Variants in SLCO5A1 observed in about 807,000 individuals in gnomAD.
SLCO5A1 encodes organic anion transporter polypeptide-related protein 4.
In SLCO5A1, 39 loss-of-function variants were observed where a neutral mutation model predicts 65.1. The observed-to-expected ratio is 0.60, with a 90% CI of 0.46 to 0.78. The LOEUF is 0.78. Ranked by LOEUF, SLCO5A1 falls within the 30% of genes least tolerant of loss-of-function variation. The pLI, the probability that SLCO5A1 is intolerant of heterozygous loss-of-function variation, is 0.00. For synonymous variants in SLCO5A1, 438 were observed against 415.7 expected (o/e 1.05, Z -0.65); for missense variants, 1,029 against 1,069.4 (o/e 0.96, Z 0.53).
Position 69,832,505 on chromosome 8 carries a change from C to T in SLCO5A1, c.169G>A (p.Ala57Thr), listed in dbSNP as rs764927340. 3 of 1,609,132 alleles carry T rather than the reference C, an allele frequency of 1.9e-6. No individual in the cohort carries two copies. The highest frequency in any genetic ancestry group is 1.3e-5 in the African/African-American group (1 of 74,760). ...RPSLSPTSGD[A>T]NPAFGCVDSS... Reference sequence around the variant, plus strand: ...TCCACACAGCCAAAGGCCGGGTTGGCGTCTCCACTAGTGGGACTGAGGCTT... The same window carrying T: ...TCCACACAGCCAAAGGCCGGGTTGGTGTCTCCACTAGTGGGACTGAGGCTT... Residue 57 changes from alanine (A) to threonine (T), a missense_variant, in exon 2 of 10, where the codon GCC (alanine) becomes ACC (threonine). Around this residue, in one of 3 missense-constraint regions of SLCO5A1, gnomAD observed 647 missense variants for 647.5 expected, o/e 1.00. Transcript: ENST00000260126. The surrounding 1 kb of genome is among the most constrained non-coding windows in gnomAD (Gnocchi z 4.5).
chr8:69,822,284 T>C (rs1354602683), intron 2 of SLCO5A1, among the ~76,000 whole-genome samples: 1 of 152,162 alleles, frequency 6.6e-6, no homozygotes, highest in Non-Finnish European at 1.5e-5. Flanking sequence ...CACAAGCCCC[T>C]CAAACTTCAA....
At chr8:69,681,861 C>T (rs1813790136) in intron 7 of SLCO5A1, among the ~76,000 whole-genome samples, 1 of 152,104 alleles carries the variant, frequency 6.6e-6, no homozygotes, top group Non-Finnish European at 1.5e-5. Flanking sequence ...TCAAATCCAT[C>T]ACAAGGGCCC....
At chr8:69,756,671 A>C (rs1427941252) in intron 3 of SLCO5A1, among the ~76,000 whole-genome samples, 1 of 152,264 alleles carries the variant, frequency 6.6e-6, no homozygotes, top group East Asian at 1.9e-4. Context: ...GCTTCCTAAA[A>C]GAAGTAGAAC....
At chr8:69,779,083 C>A (rs952266883) in intron 2 of SLCO5A1, among the ~76,000 whole-genome samples, 2 of 152,160 alleles carry the variant, frequency 1.3e-5, no homozygotes, top group African/African-American at 2.4e-5. Context: ...AGACATGGTA[C>A]AGCCCACAAA....
chr8:69,750,592 G>T (rs970172484), intron 4 of SLCO5A1, among the ~76,000 whole-genome samples: 4 of 152,026 alleles, frequency 2.6e-5, no homozygotes, highest in Non-Finnish European at 5.9e-5. Context: ...CATCTACACA[G>T]TCCCAGTTTT....
chr8:69,737,081 T>G (rs753623527), intron 5 of SLCO5A1, among the ~76,000 whole-genome samples: 2 of 152,216 alleles, frequency 1.3e-5, no homozygotes, highest in African/African-American at 4.8e-5. Flanking sequence ...TATAAAAACA[T>G]GTGCTATCCT....
At chr8:69,779,077 A>G (rs761196263) in intron 2 of SLCO5A1, among the ~76,000 whole-genome samples, 1 of 152,220 alleles carries the variant, frequency 6.6e-6, no homozygotes, top group Non-Finnish European at 1.5e-5. Context: ...TGCAACAGAC[A>G]TGGTACAGCC....
intron 5 of SLCO5A1, among the ~76,000 whole-genome samples, chr8:69,734,711 T>C (rs1057079760): frequency 1.3e-5 from 2 of 152,200 alleles, no homozygotes; most frequent in Non-Finnish European, 2.9e-5. Context: ...CAAATTGCAG[T>C]GAAGGTCAGG....
At chr8:69,804,763 C>G (rs1026491750) in intron 2 of SLCO5A1, among the ~76,000 whole-genome samples, 13 of 152,148 alleles carry the variant, frequency 8.5e-5, no homozygotes, top group Admixed American at 7.2e-4. Flanking sequence ...GCTACCCACT[C>G]CACCTTACAC....
At chr8:69,744,453 C>T (rs1305713243) in intron 4 of SLCO5A1, among the ~76,000 whole-genome samples, 1 of 152,196 alleles carries the variant, frequency 6.6e-6, no homozygotes, top group Non-Finnish European at 1.5e-5. Context: ...TTGGCATCTG[C>T]CCCTGTAGGA....
intron 7 of SLCO5A1, among the ~76,000 whole-genome samples, chr8:69,680,509 C>T (rs1813724894): frequency 6.6e-6 from 1 of 152,108 alleles, no homozygotes; most frequent in South Asian, 2.1e-4. Context: ...TGTATATTAT[C>T]ACATTTTCTT....
Position 69,738,085 on chromosome 8 carries a change from CGAT to C in SLCO5A1, c.1375_1377del (p.Ile459del). The stretch of plus-strand genomic sequence containing the variant: ...GAGGCTGGGATACCAAACTGTGACT[CGAT>C]GAACTTGGGAATGAAGGTAATGAAA... On this transcript the variant is annotated inframe_deletion, in exon 5 of 10. Transcript: ENST00000260126. 1 of 1,613,774 alleles carries C rather than the reference CGAT, an allele frequency of 6.2e-7. No homozygotes were observed. The highest frequency in any genetic ancestry group is 8.5e-7 in the Non-Finnish European group (1 of 1,179,816).
rs548296179 is a variant in SLCO5A1 at position 69,717,197 on chromosome 8, C to T, written c.1424-11968G>A. On this transcript the variant is annotated intron_variant, in intron 5 of 9. Transcript: ENST00000260126. ...AATACAAGGTCACAAAGAGTTATGC[C>T]TATGTTTATTTCTGAGAGTATTATA... 6.6e-5 allele frequency among the ~76,000 whole-genome samples: 10 copies of T among 152,236 alleles called. No homozygotes were observed. The East Asian group carries it at 1.9e-3, about 29-fold the overall frequency.
intron 1 of SLCO5A1, chr8:69,834,104 A>ACACG: frequency 6.5e-6 from 1 of 153,198 alleles, no homozygotes; most frequent in Admixed American, 6.6e-5. Context: ...ACACACACAC[A>ACACG]CACACACACA....
intron 2 of SLCO5A1, among the ~76,000 whole-genome samples, chr8:69,781,508 T>A (rs114967875): frequency 7.9e-5 from 12 of 152,228 alleles, no homozygotes; most frequent in Non-Finnish European, 1.2e-4. Flanking sequence ...TCATTGAGAA[T>A]AGAACTGTTA....
At chr8:69,696,301 A>G (rs1285224949) in intron 6 of SLCO5A1, among the ~76,000 whole-genome samples, 2 of 152,218 alleles carry the variant, frequency 1.3e-5, no homozygotes, top group African/African-American at 2.4e-5. Context: ...AAAAATGGCA[A>G]GTAGATAGGC....
chr8:69,770,453 T>G (rs1340230804), intron 2 of SLCO5A1, among the ~76,000 whole-genome samples: 1 of 151,950 alleles, frequency 6.6e-6, no homozygotes, highest in Non-Finnish European at 1.5e-5. Flanking sequence ...AATTAATTAG[T>G]TAATTAAATT....
chr8:69,766,133 A>G (rs1477741667), intron 2 of SLCO5A1, among the ~76,000 whole-genome samples: 1 of 152,106 alleles, frequency 6.6e-6, no homozygotes, highest in Non-Finnish European at 1.5e-5. Flanking sequence ...TCTCACCTCC[A>G]TAGCTAATAC....
intron 8 of SLCO5A1, among the ~76,000 whole-genome samples, chr8:69,677,904 C>T (rs966398934): frequency 2.6e-5 from 4 of 152,000 alleles, no homozygotes; most frequent in Admixed American, 1.3e-4. Flanking sequence ...TGCACTGCAC[C>T]CCCTAATCCC....
Sources: allele counts gnomAD v4.1 joint callset (sites outside exome capture counted in the v4.1 genomes callset), GRCh38; gene constraint gnomAD v4.1.1; regional missense constraint gnomAD v4.1.1; non-coding constraint Gnocchi (gnomAD v3.1); transcripts MANE v1.5; gene names NCBI Gene and HGNC (gene_info 2026-07-23, HGNC 2026-07-21).